ANXA8: variants seen among roughly 807,000 people sequenced by gnomAD.
ANXA8 encodes VAC-beta.
In ANXA8, 9 loss-of-function variants were observed where a neutral mutation model predicts 26.8. That is an observed-to-expected ratio of 0.34 (90% CI 0.20 to 0.59). The LOEUF (loss-of-function observed/expected upper bound fraction) is 0.59, where lower values mean the gene tolerates loss of function less well. Among genes scored for constraint, ANXA8 ranks in the 20% least tolerant of loss-of-function variants. The pLI is 0.84. For synonymous variants in ANXA8, 39 were observed against 94.8 expected (o/e 0.41, Z 3.42); for missense variants, 83 against 238.5 (o/e 0.35, Z 4.29).
At chr10:47,924,654 CGGTG>C in the ANXA8 span, among the ~76,000 whole-genome samples, 1 of 151,852 alleles carries the variant, frequency 6.6e-6, no homozygotes, top group Non-Finnish European at 1.5e-5. Context: ...GACCAAGAAC[CGGTG>C]GAACTGACGC....
the ANXA8 span, among the ~76,000 whole-genome samples, chr10:47,644,781 A>T: frequency 6.6e-6 from 1 of 150,830 alleles, no homozygotes; most frequent in Non-Finnish European, 1.5e-5. Flanking sequence ...GAGTTGTTTC[A>T]TTTTTCATGT....
the ANXA8 span, among the ~76,000 whole-genome samples, chr10:47,947,835 A>G: frequency 1.3e-5 from 2 of 150,602 alleles, no homozygotes; most frequent in African/African-American, 2.5e-5. Flanking sequence ...AGGGTTCCCC[A>G]TGGATCTGTT....
the ANXA8 span, among the ~76,000 whole-genome samples, chr10:47,980,493 G>A: frequency 6.6e-6 from 1 of 151,756 alleles, no homozygotes; most frequent in Non-Finnish European, 1.5e-5. Context: ...TCACTGAAAA[G>A]AGCAATAAAA....
At chr10:47,487,977 A>G (rs1389621058), upstream of ANXA8, among the ~76,000 whole-genome samples, 4 of 149,840 alleles carry the variant, frequency 2.7e-5, no homozygotes, top group Non-Finnish European at 4.4e-5. Context: ...CTCAGTCTTA[A>G]TGTAATGATA....
chr10:47,570,573 G>T, the ANXA8 span, among the ~76,000 whole-genome samples: 1 of 150,320 alleles, frequency 6.7e-6, no homozygotes, highest in Non-Finnish European at 1.5e-5. Context: ...CTTGAGCCCG[G>T]AAGTTCAAGA....
At chr10:47,733,201 CTTTCTTTCTTTCTT>C in the ANXA8 span, among the ~76,000 whole-genome samples, 2 of 89,276 alleles carry the variant, frequency 2.2e-5, no homozygotes, top group African/African-American at 6.9e-5. Flanking sequence ...TTCTTTCTTT[CTTTCTTTCTTTCTT>C]TCTTTCTCTT....
the ANXA8 span, among the ~76,000 whole-genome samples, chr10:47,729,815 C>CTGTT: frequency 2.9e-5 from 4 of 137,388 alleles, no homozygotes; most frequent in Admixed American, 3.0e-4. Flanking sequence ...GTTTACTTAC[C>CTGTT]TGTTTATTTA....
At chr10:47,541,223 G>A in the ANXA8 span, among the ~76,000 whole-genome samples, 139 of 98,304 alleles carry the variant, frequency 1.4e-3, no homozygotes, top group East Asian at 6.0e-3. Context: ...AGCTACTTGC[G>A]GGGCTGAAGC....
the ANXA8 span, among the ~76,000 whole-genome samples, chr10:47,704,876 A>G: frequency 6.6e-6 from 1 of 152,058 alleles, no homozygotes; most frequent in African/African-American, 2.4e-5. Context: ...AGAATGAAAT[A>G]AACATACTTT....
the ANXA8 span, among the ~76,000 whole-genome samples, chr10:47,658,047 G>C: frequency 6.6e-6 from 1 of 151,806 alleles, no homozygotes; most frequent in South Asian, 2.1e-4. Context: ...TTCCAAAGTG[G>C]TTTTCTCCAT....
At chr10:47,567,954 T>C in the ANXA8 span, 3 of 687,222 alleles carry the variant, frequency 4.4e-6, no homozygotes. Flanking sequence ...CTCTTTCAGA[T>C]GTGCCGTTTG....
chr10:47,725,604 G>C, the ANXA8 span, among the ~76,000 whole-genome samples: 1 of 134,432 alleles, frequency 7.4e-6, no homozygotes, highest in Non-Finnish European at 1.6e-5. Flanking sequence ...TCCCTGTTTA[G>C]TCATCTTGGC....
chr10:47,558,093 T>C, the ANXA8 span, among the ~76,000 whole-genome samples: 1 of 151,932 alleles, frequency 6.6e-6, no homozygotes, highest in Non-Finnish European at 1.5e-5. Flanking sequence ...ATTTCACTAA[T>C]ATTCTTTGGA....
chr10:47,529,178 C>T, the ANXA8 span, among the ~76,000 whole-genome samples: 17 of 143,468 alleles, frequency 1.2e-4, 1 homozygote, highest in South Asian at 1.6e-3. Context: ...TAAAGTTTTA[C>T]GACCCTTTGC....
chr10:47,952,958 TA>T, the ANXA8 span, among the ~76,000 whole-genome samples: 1 of 146,740 alleles, frequency 6.8e-6, no homozygotes, highest in African/African-American at 2.6e-5. Context: ...AACCCTTACC[TA>T]TACCATAACT....
the ANXA8 span, among the ~76,000 whole-genome samples, chr10:47,683,694 A>T: frequency 6.6e-6 from 1 of 151,558 alleles, no homozygotes; most frequent in South Asian, 2.1e-4. Flanking sequence ...AATAATTTCA[A>T]GTTTGAGTAA....
chr10:47,900,969 T>C, the ANXA8 span, among the ~76,000 whole-genome samples: 2 of 143,252 alleles, frequency 1.4e-5, no homozygotes, highest in African/African-American at 2.7e-5. Flanking sequence ...GCCAAGAGTA[T>C]AGAATCAAAT....
At chr10:47,658,919 T>C in the ANXA8 span, among the ~76,000 whole-genome samples, 1 of 148,698 alleles carries the variant, frequency 6.7e-6, no homozygotes, top group Non-Finnish European at 1.5e-5. Context: ...TCGCCCAGGC[T>C]GGAGTGCAGT....
chr10:47,486,909 G>T (rs1424457989), upstream of ANXA8, among the ~76,000 whole-genome samples: 2 of 149,070 alleles, frequency 1.3e-5, no homozygotes, highest in Non-Finnish European at 1.5e-5. Flanking sequence ...GGAGGCAGAG[G>T]TTGCAGTGAG....
Sources: allele counts gnomAD v4.1 joint callset (sites outside exome capture counted in the v4.1 genomes callset), GRCh38; gene constraint gnomAD v4.1.1; transcripts MANE v1.5; gene names NCBI Gene and HGNC (gene_info 2026-07-23, HGNC 2026-07-21).